Variants in CAMTA1 observed in about 807,000 individuals in gnomAD.
The protein encoded by CAMTA1 is calmodulin binding transcription activator 1.
CAMTA1 carries 27 observed loss-of-function variants against 170.9 expected under a neutral mutation model. The observed-to-expected ratio is 0.16, with a 90% CI of 0.12 to 0.22. The LOEUF (loss-of-function observed/expected upper bound fraction) is 0.22. Ranked by LOEUF, CAMTA1 falls within the 10% of genes least tolerant of loss-of-function variation. The pLI, the probability that CAMTA1 is intolerant of heterozygous loss-of-function variation, is 1.00. For missense variants in CAMTA1, 1,619 were observed against 2,217.2 expected (o/e 0.73, Z 5.42); for synonymous variants, 833 against 891.5 (o/e 0.93, Z 1.17).
intron 11 of CAMTA1, among the ~76,000 whole-genome samples, chr1:7,687,673 C>G (rs1454704968): frequency 6.6e-6 from 1 of 152,224 alleles, no homozygotes; most frequent in Non-Finnish European, 1.5e-5. Context: ...GTCTTGCCAA[C>G]CTTTTGATAG....
At chr1:7,568,277 C>T (rs974273102) in intron 6 of CAMTA1, among the ~76,000 whole-genome samples, 2 of 135,578 alleles carry the variant, frequency 1.5e-5, no homozygotes, top group Non-Finnish European at 3.0e-5. Flanking sequence ...TCACCATCAT[C>T]ATCATCATCA....
At chr1:7,624,991 G>A (rs568682512) in intron 6 of CAMTA1, among the ~76,000 whole-genome samples, 19 of 152,346 alleles carry the variant, frequency 1.2e-4, no homozygotes, top group African/African-American at 4.6e-4. Flanking sequence ...CGTGGGCAGG[G>A]CCAGTGGCAG....
intron 5 of CAMTA1, among the ~76,000 whole-genome samples, chr1:7,437,974 G>C (rs1034752520): frequency 6.6e-6 from 1 of 152,252 alleles, no homozygotes; most frequent in Non-Finnish European, 1.5e-5. Context: ...GTGGGGATGA[G>C]AGCTAAGAAT....
intron 3 of CAMTA1, among the ~76,000 whole-genome samples, chr1:6,924,629 G>A (rs1194247483): frequency 6.6e-6 from 1 of 152,162 alleles, no homozygotes; most frequent in Non-Finnish European, 1.5e-5. Context: ...GGTAACAGCC[G>A]CTTTATTCCT....
chr1:7,232,596 C>T (rs1167719716), intron 4 of CAMTA1, among the ~76,000 whole-genome samples: 2 of 152,176 alleles, frequency 1.3e-5, no homozygotes, highest in African/African-American at 4.8e-5. Context: ...CTGTGTAGCA[C>T]TCTGTTCCCG....
intron 5 of CAMTA1, among the ~76,000 whole-genome samples, chr1:7,279,979 G>C (rs867507454): frequency 9.2e-5 from 14 of 152,354 alleles, no homozygotes; most frequent in Middle Eastern, 3.4e-3. Flanking sequence ...GCCAGGTCCA[G>C]AGCGGGAGGG....
At chr1:7,483,009 G>T (rs2093562102) in intron 6 of CAMTA1, among the ~76,000 whole-genome samples, 3 of 152,162 alleles carry the variant, frequency 2.0e-5, no homozygotes. Context: ...CACCTCTACA[G>T]CCTGAGAGGG....
chr1:7,317,874 A>G (rs147246468), intron 5 of CAMTA1, among the ~76,000 whole-genome samples: 5 of 152,276 alleles, frequency 3.3e-5, no homozygotes, highest in Non-Finnish European at 7.4e-5. Flanking sequence ...GCTACAAATT[A>G]TTGATCTTCT....
At chr1:6,978,511 A>G (rs1205287922) in intron 3 of CAMTA1, among the ~76,000 whole-genome samples, 2 of 152,062 alleles carry the variant, frequency 1.3e-5, no homozygotes, top group African/African-American at 2.4e-5. Context: ...GCAGGTGCCT[A>G]TAATCCCAGC....
chr1:7,650,736 A>C (rs2095843685), intron 7 of CAMTA1, among the ~76,000 whole-genome samples: 1 of 152,158 alleles, frequency 6.6e-6, no homozygotes, highest in Admixed American at 6.5e-5. Context: ...GATTTCTGAA[A>C]ATTTTGTCCT....
At chr1:7,181,341 T>C (rs1037182910) in intron 4 of CAMTA1, among the ~76,000 whole-genome samples, 8 of 152,210 alleles carry the variant, frequency 5.3e-5, no homozygotes, top group African/African-American at 7.2e-5. Flanking sequence ...AAGGCAAGGA[T>C]ATTCATTATC....
intron 5 of CAMTA1, among the ~76,000 whole-genome samples, chr1:7,263,021 T>C (rs530774023): frequency 1.3e-5 from 2 of 152,164 alleles, no homozygotes; most frequent in African/African-American, 4.8e-5. Context: ...CCCTCCCAGA[T>C]TAATGAATAC....
chr1:7,585,594 C>T lies in CAMTA1; in HGVS notation c.511-54806C>T, dbSNP rs545852355. ...GTGTGGAGGGGAGCCAGTGAAAGAA[C>T]GTGAACATGGGATCACGCTGGCTAC... On this transcript the variant is annotated intron_variant, in intron 6 of 22. Coordinates refer to ENST00000303635, the MANE Select transcript of CAMTA1 (RefSeq NM_015215.4). The surrounding 1 kb of genome is among the most constrained non-coding windows in gnomAD (Gnocchi z 4.8). Among the ~76,000 whole-genome samples, 6 of 152,236 alleles carry T rather than the reference C, an allele frequency of 3.9e-5. No homozygotes were observed. In the East Asian group the frequency reaches 5.8e-4, roughly 15 times the overall value.
In CAMTA1 at chr1:7,065,715, A is replaced by G. The variant is rs1708872033; in HGVS notation, c.235-25589A>G. 6.6e-6 allele frequency among the ~76,000 whole-genome samples: 1 copy of G among 152,158 alleles called. No individual in the cohort carries two copies. Among genetic ancestry groups the G allele is most frequent in the African/African-American group, 2.4e-5 (1 of 41,432 alleles). On this transcript the variant is annotated intron_variant, in intron 3 of 22. Coordinates refer to ENST00000303635, the MANE Select transcript of CAMTA1 (RefSeq NM_015215.4). This position sits in a 1 kb window ranked among gnomAD's most constrained non-coding sequence, Gnocchi z 5.2. ...AGAAAAGGGAGATGGGTCCGTGGAT[A>G]GGTGGAAGCCCTAGGTCAAAATATC...
chr1:7,265,970 A>C (rs1668858667), intron 5 of CAMTA1, among the ~76,000 whole-genome samples: 1 of 152,242 alleles, frequency 6.6e-6, no homozygotes, highest in Non-Finnish European at 1.5e-5. Flanking sequence ...GGCACCTGGG[A>C]GAACAACATA....
chr1:7,761,489 C>T (rs919350702), intron 22 of CAMTA1, among the ~76,000 whole-genome samples: 7 of 152,100 alleles, frequency 4.6e-5, no homozygotes, highest in South Asian at 2.1e-4. Flanking sequence ...CTGAATGAGT[C>T]GAACAGTTGT....
chr1:7,086,667 CAG>C (rs1283017002), intron 3 of CAMTA1, among the ~76,000 whole-genome samples: 1 of 152,226 alleles, frequency 6.6e-6, no homozygotes, highest in African/African-American at 2.4e-5. Flanking sequence ...CCATGCAACA[CAG>C]GGCCTTCCAT....
intron 4 of CAMTA1, among the ~76,000 whole-genome samples, chr1:7,165,077 C>T (rs746687557): frequency 6.6e-6 from 1 of 152,174 alleles, no homozygotes; most frequent in African/African-American, 2.4e-5. Context: ...CTAGAAAAAA[C>T]GATCTGCTTT....
intron 6 of CAMTA1, among the ~76,000 whole-genome samples, chr1:7,515,892 C>T (rs1231554548): frequency 6.6e-6 from 1 of 152,238 alleles, no homozygotes; most frequent in Non-Finnish European, 1.5e-5. Flanking sequence ...CTGATTTCAG[C>T]CTCTGAGTGG....
Sources: gnomAD v4.1 joint callset for allele counts (sites outside exome capture counted in the v4.1 genomes callset) on GRCh38, gnomAD v4.1.1 for gene constraint, Gnocchi (gnomAD v3.1) non-coding constraint, MANE v1.5 for transcripts, NCBI Gene and HGNC (gene_info 2026-07-23, HGNC 2026-07-21) for gene names.